GABPB1: variants seen among roughly 807,000 people sequenced by gnomAD.
The protein encoded by GABPB1 is GA-binding protein subunit beta-1.
GABPB1 carries 15 observed loss-of-function variants against 45.9 expected under a neutral mutation model. The observed-to-expected ratio is 0.33, with a 90% CI of 0.22 to 0.50. The LOEUF (loss-of-function observed/expected upper bound fraction) is 0.50, where lower values mean the gene tolerates loss of function less well. Ranked by LOEUF, GABPB1 falls within the 20% of genes least tolerant of loss-of-function variation. GABPB1 has a pLI of 0.98. For synonymous variants in GABPB1, 143 were observed against 154.4 expected, an observed-to-expected ratio of 0.93 and a Z score of 0.55; for missense variants, 252 against 457.5, an observed-to-expected ratio of 0.55 and a Z score of 4.10.
At chr15:50,326,005 T>G (rs2047748632) in intron 1 of GABPB1, among the ~76,000 whole-genome samples, 1 of 151,612 alleles carries the variant, frequency 6.6e-6, no homozygotes. Context: ...CCTCCCAGGT[T>G]CAAGCGATTC....
intron 1 of GABPB1, among the ~76,000 whole-genome samples, chr15:50,340,695 T>A (rs2048327003): frequency 6.6e-6 from 1 of 152,108 alleles, no homozygotes; most frequent in Non-Finnish European, 1.5e-5. Flanking sequence ...TATTATTGTG[T>A]TTTAATATGC....
chr15:50,296,127 T>C lies in GABPB1; in HGVS notation c.697+4662A>G, dbSNP rs561272441. 4.9e-4 allele frequency among the ~76,000 whole-genome samples: 75 copies of C among 152,300 alleles called. 1 individual carries two copies. The highest frequency in any genetic ancestry group is 8.5e-4 in the Non-Finnish European group (58 of 68,012). On this transcript the variant is annotated intron_variant, in intron 6 of 8. Transcript: ENST00000380877. ...ATCACAATTGCCTTCTCTTTATATATAGGACCATGCCAACCAGCTAGTTTC... is the reference window on the plus strand; with the variant it reads ...ATCACAATTGCCTTCTCTTTATATACAGGACCATGCCAACCAGCTAGTTTC...
chr15:50,300,557 C>T (rs1241067568), intron 6 of GABPB1, among the ~76,000 whole-genome samples: 1 of 151,170 alleles, frequency 6.6e-6, no homozygotes, highest in African/African-American at 2.4e-5. Flanking sequence ...ATCCTCCTGC[C>T]TCAGCCTCCC....
At position 50,276,028 on chromosome 15, in the gene GABPB1, GAAAGA is replaced by G. The variant is rs2045834605; in HGVS notation, c.*2599_*2603del. ...AACAAGAACGATTCTAGGTGCACAGGAAAGAAAATAATTCATTACACCATAACACT... is the reference window on the plus strand; with the variant it reads ...AACAAGAACGATTCTAGGTGCACAGGAAATAATTCATTACACCATAACACT... On this transcript the variant is annotated 3_prime_UTR_variant, in exon 9 of 9. Coordinates refer to ENST00000380877, the MANE Select transcript of GABPB1 (RefSeq NM_016654.5). The G allele has an allele frequency of 6.6e-6, 1 of 152,266 alleles. No individual in the cohort carries two copies. Among genetic ancestry groups the G allele is most frequent in the African/African-American group, 2.4e-5 (1 of 41,546 alleles). 9.4% of individuals were successfully genotyped at this position (152,266 alleles called of 1,614,324 possible). A position where few individuals can be genotyped will look rare whatever the true frequency, so the allele number is the denominator to read the frequency against.
intron 1 of GABPB1, among the ~76,000 whole-genome samples, chr15:50,312,482 A>AT (rs58955087): frequency 6.6e-6 from 1 of 152,178 alleles, no homozygotes; most frequent in Non-Finnish European, 1.5e-5. Context: ...CCAATGAGGC[A>AT]TTTTTTCCTA....
At chr15:50,329,968 G>A (rs546331220) in intron 1 of GABPB1, among the ~76,000 whole-genome samples, 104 of 150,944 alleles carry the variant, frequency 6.9e-4, no homozygotes, top group African/African-American at 1.2e-3. Context: ...ATGCAGTGGC[G>A]TGATCATGGC....
At chr15:50,315,666 C>T (rs866728382) in intron 1 of GABPB1, among the ~76,000 whole-genome samples, 2 of 152,224 alleles carry the variant, frequency 1.3e-5, no homozygotes, top group South Asian at 4.1e-4. Flanking sequence ...GGACCACACA[C>T]ACTCATCGTA....
chr15:50,329,307 A>G (rs1013338577), intron 1 of GABPB1, among the ~76,000 whole-genome samples: 2 of 152,238 alleles, frequency 1.3e-5, no homozygotes, highest in African/African-American at 4.8e-5. Context: ...TAAGAAATGT[A>G]TATTATAAAT....
At chr15:50,305,469 A>G (rs1387244484) in intron 2 of GABPB1, among the ~76,000 whole-genome samples, 1 of 152,156 alleles carries the variant, frequency 6.6e-6, no homozygotes, top group African/African-American at 2.4e-5. Context: ...TGTCCACCTC[A>G]GCCTCCAGAG....
In GABPB1 at chr15:50,290,974, T is replaced by A. The variant is rs568294006; in HGVS notation, c.698-1306A>T. On this transcript the variant is annotated intron_variant, in intron 6 of 8. Coordinates refer to ENST00000380877, the MANE Select transcript of GABPB1 (RefSeq NM_016654.5). The stretch of plus-strand genomic sequence containing the variant: ...AAGACATGTAGAAGAATATACATGG[T>A]AGCTTTATTCATACTAGTAAAAAAC... Among the ~76,000 whole-genome samples the A allele has an allele frequency of 1.2e-4, 19 of 152,328 alleles. No individual in the cohort carries two copies. The East Asian group carries it at 2.3e-3, about 19-fold the overall frequency.
Position 50,286,181 on chromosome 15 carries a change from A to G in GABPB1, c.886T>C (p.Leu296=). 2 of 1,534,554 alleles carry G rather than the reference A, an allele frequency of 1.3e-6. No homozygotes were observed. Among genetic ancestry groups the G allele is most frequent in the Non-Finnish European group, 1.8e-6 (2 of 1,137,592 alleles). ...IVTMPDGQQV[L]TVPATDIAEE... is the part of the protein sequence containing the mutation. ...GCAATGTCTGTTGCTGGTACTGTTA[A>G]TACTAAAATGAAAAAAAAATTATGT... The change falls in exon 8 of 9, where the codon TTA becomes CTA. Residue 296 remains leucine, a splice_region_variant and synonymous_variant. Coordinates refer to ENST00000380877, the MANE Select transcript of GABPB1 (RefSeq NM_016654.5).
rs868334043 is a variant in GABPB1, at chr15:50,275,616, T to C, written c.*3016A>G. The C allele has an allele frequency of 3.9e-5, 6 of 152,150 alleles. No homozygotes were observed. Among genetic ancestry groups the C allele is most frequent in the African/African-American group, 1.4e-4 (6 of 41,420 alleles). The allele number at this position is 152,150 out of a possible 1,614,324, so 9.4% of individuals were successfully genotyped here. The stretch of plus-strand genomic sequence containing the variant: ...GAGATTTCCCATTTATCCTCTTTTC[T>C]CTCTAATTGTCTTCCCAACCCTCCA... On this transcript the variant is annotated 3_prime_UTR_variant, in exon 9 of 9. Coordinates refer to ENST00000380877, the MANE Select transcript of GABPB1 (RefSeq NM_016654.5).
intron 6 of GABPB1, among the ~76,000 whole-genome samples, chr15:50,296,757 G>A (rs1449975870): frequency 6.6e-6 from 1 of 152,112 alleles, no homozygotes; most frequent in Non-Finnish European, 1.5e-5. Context: ...TCGAGAATCA[G>A]GATGAGTCTG....
chr15:50,279,477 G>T (rs1567468129), intron 8 of GABPB1, among the ~76,000 whole-genome samples: 1 of 106,770 alleles, frequency 9.4e-6, no homozygotes, highest in East Asian at 2.0e-4. Context: ...AATTATCAAT[G>T]ATTAAATTAT....
At position 50,289,666 on chromosome 15, in the gene GABPB1, C is replaced by T. The variant is rs1315448241; in HGVS notation, c.700G>A (p.Val234Met). 3 of 1,585,616 alleles carry T rather than the reference C, an allele frequency of 1.9e-6. No individual in the cohort carries two copies. The highest frequency in any genetic ancestry group is 2.3e-5 in the South Asian group (2 of 86,238). The part of the protein sequence containing the change: ...PLSNSSETPV[V>M]ATEEVVTAES... Reference sequence around the variant, plus strand: ...GCAGTAACTACTTCTTCTGTGGCCACTACTGGAAAAAAAAAAAAGAAAACT... The same window carrying T: ...GCAGTAACTACTTCTTCTGTGGCCATTACTGGAAAAAAAAAAAAGAAAACT... Residue 234 changes from valine to methionine, a missense_variant and splice_region_variant, in exon 7 of 9, where the codon GTG (valine) becomes ATG (methionine). Transcript: ENST00000380877.
intron 1 of GABPB1, among the ~76,000 whole-genome samples, chr15:50,345,991 A>G (rs916790357): frequency 1.3e-5 from 2 of 152,202 alleles, no homozygotes; most frequent in East Asian, 3.9e-4. Context: ...GTTTACAGGC[A>G]TGAGCCACCA....
In GABPB1 at chr15:50,300,020, G is replaced by A. The variant is rs536999981; in HGVS notation, c.697+769C>T. On this transcript the variant is annotated intron_variant, in intron 6 of 8. Coordinates refer to ENST00000380877, the MANE Select transcript of GABPB1 (RefSeq NM_016654.5). ...TTTGGTAGAGATAGGGTTTCACCAT[G>A]TTGCCCAGGGTTCTGGGCTCAAGCA... 2.0e-5 allele frequency among the ~76,000 whole-genome samples: 3 copies of A among 152,160 alleles called. No individual in the cohort carries two copies. In the East Asian group the frequency reaches 5.8e-4, roughly 30 times the overall value.
intron 2 of GABPB1, 142 bp downstream of exon 2, chr15:50,309,549 G>C: frequency 1.7e-6 from 1 of 588,974 alleles, no homozygotes; most frequent in Non-Finnish European, 3.0e-6. Context: ...TTTTAGGACA[G>C]TTATAATTCT....
intron 6 of GABPB1, among the ~76,000 whole-genome samples, chr15:50,291,783 T>G (rs2046350333): frequency 3.3e-5 from 5 of 151,900 alleles, no homozygotes. Context: ...CCAGGTTTGG[T>G]GTTTTACACC....
Sources: allele counts gnomAD v4.1 joint callset (sites outside exome capture counted in the v4.1 genomes callset), GRCh38; gene constraint gnomAD v4.1.1; transcripts MANE v1.5; gene names NCBI Gene and HGNC (gene_info 2026-07-23, HGNC 2026-07-21).